The following GRIK5 variants were observed in gnomAD, a reference collection of about 807,000 sequenced individuals.
GRIK5 encodes the protein glutamate receptor ionotropic, kainate 5.
Under a neutral mutation model 97.4 loss-of-function variants are expected in GRIK5, and 43 were observed. That is an observed-to-expected ratio of 0.44 (90% CI 0.35 to 0.57). GRIK5 has a LOEUF of 0.57. Ranked by LOEUF, GRIK5 falls within the 20% of genes least tolerant of loss-of-function variation. The pLI is 0.01. For synonymous variants in GRIK5, 580 were observed against 583.5 expected (o/e 0.99, Z 0.09); for missense variants, 1,015 against 1,382.0 (o/e 0.73, Z 4.21).
At chr19:42,063,575 C>G (rs1193407983) in intron 3 of GRIK5, 3 of 315,304 alleles carry the variant, frequency 9.5e-6, no homozygotes, top group African/African-American at 6.6e-5. Context: ...AGCACCTTCC[C>G]CAGGTCTTTT....
At chr19:42,029,739 C>T (rs937719565) in intron 12 of GRIK5, among the ~76,000 whole-genome samples, 1 of 152,180 alleles carries the variant, frequency 6.6e-6, no homozygotes, top group African/African-American at 2.4e-5. Flanking sequence ...TCGCATGCAG[C>T]CTGGACTGGC....
At position 42,021,456 on chromosome 19, in the gene GRIK5, C is replaced by A; in HGVS notation, c.1716G>T (p.Trp572Cys). 6.3e-7 allele frequency: 1 copy of A among 1,587,896 alleles called. No individual in the cohort carries two copies. Among genetic ancestry groups the A allele is most frequent in the Non-Finnish European group, 8.6e-7 (1 of 1,164,068 alleles). The part of the protein sequence containing the change: ...FLAARLSPYE[W>C]YNPHPCLRAR... ...CCCGCAGGCATGGGTGTGGGTTATA[C>A]CACTCATAGGGGCTCAGCCTGTGGA... The change falls in exon 15 of 20, where the codon TGG becomes TGT. Residue 572 changes from tryptophan (W) to cysteine (C), a missense_variant. By Grantham distance (215) the Trp-to-Cys change is radical (BLOSUM62 -2). This residue lies in a region of GRIK5 where 477 missense variants were observed against 701.1 expected (regional missense o/e 0.68). Transcript: ENST00000593562. This position sits in a 1 kb window ranked among gnomAD's most constrained non-coding sequence, Gnocchi z 4.2.
At position 42,036,850 on chromosome 19, in the gene GRIK5, G is replaced by A. The variant is rs189583260; in HGVS notation, c.1473+5702C>T. Among the ~76,000 whole-genome samples, 218 of 152,298 alleles carry A rather than the reference G, an allele frequency of 1.4e-3. 1 individual carries two copies. Among genetic ancestry groups the A allele is most frequent in the Non-Finnish European group, 2.3e-3 (154 of 68,014 alleles). ...TGGAGGCCACAGGTGAGGTGGGTGG[G>A]TATTGTCTTGGTCATGCCAGCATCT... On this transcript the variant is annotated intron_variant, in intron 12 of 19. Transcript: ENST00000593562.
At position 42,021,602 on chromosome 19, in the gene GRIK5, G is replaced by A; in HGVS notation, c.1698-128C>T. ...GATGGAAAAAGGAGCAAGATGGACA[G>A]AAGCACACAGAGAAAAGGCAGAGAG... On this transcript the variant is annotated intron_variant, in intron 14 of 19. Transcript: ENST00000593562. This position sits in a 1 kb window ranked among gnomAD's most constrained non-coding sequence, Gnocchi z 4.2. The A allele has an allele frequency of 1.4e-6, 1 of 698,470 alleles. No homozygotes were observed. The highest frequency in any genetic ancestry group is 2.3e-6 in the Non-Finnish European group (1 of 427,218). 43.3% of individuals were successfully genotyped at this position (698,470 alleles called of 1,614,324 possible).
intron 5 of GRIK5, among the ~76,000 whole-genome samples, chr19:42,061,510 C>T (rs1182565554): frequency 1.3e-5 from 2 of 152,190 alleles, no homozygotes; most frequent in African/African-American, 4.8e-5. Flanking sequence ...GGAATTCCTT[C>T]TAGAGGCTAT....
Position 42,021,136 on chromosome 19 carries a change from G to A in GRIK5, c.1871+165C>T, listed in dbSNP as rs970440276. ...GGCCAAGCTCACATAGCCAGTAAGC[G>A]GCAGAGCTGGAGCTCAGCTCTCCCC... On this transcript the variant is annotated intron_variant, in intron 15 of 19. Coordinates refer to ENST00000593562, the MANE Select transcript of GRIK5 (RefSeq NM_002088.5). This position sits in a 1 kb window ranked among gnomAD's most constrained non-coding sequence, Gnocchi z 4.2. 6.6e-6 allele frequency among the ~76,000 whole-genome samples: 1 copy of A among 152,168 alleles called. No homozygotes were observed. The highest frequency in any genetic ancestry group is 6.5e-5 in the Admixed American group (1 of 15,278).
At chr19:42,027,220 G>A (rs1568899799) in intron 12 of GRIK5, among the ~76,000 whole-genome samples, 1 of 152,218 alleles carries the variant, frequency 6.6e-6, no homozygotes, top group Non-Finnish European at 1.5e-5. Flanking sequence ...GTGCTGTGAT[G>A]AAAAATCAAG....
chr19:42,010,066 CAAAAA>C (rs60561027), intron 15 of GRIK5, among the ~76,000 whole-genome samples: 1 of 104,108 alleles, frequency 9.6e-6, no homozygotes. Flanking sequence ...AACTCCATCT[CAAAAA>C]AAAAAAAAAA....
Position 42,003,889 on chromosome 19 carries a change from C to T in GRIK5, c.2264-206G>A. 1.8e-6 allele frequency: 1 copy of T among 542,338 alleles called. No homozygotes were observed. The highest frequency in any genetic ancestry group is 2.9e-5 in the South Asian group (1 of 34,502). The allele number at this position is 542,338 out of a possible 1,614,324, so 33.6% of individuals were successfully genotyped here. ...TGTTAGGAAGAGTCAGAGGCCATAC[C>T]TTTCCTGTGCTCAGGACTCTCCATG... On this transcript the variant is annotated intron_variant, in intron 17 of 19. Transcript: ENST00000593562. This position sits in a 1 kb window ranked among gnomAD's most constrained non-coding sequence, Gnocchi z 4.2.
chr19:42,057,464 C>G (rs2146157508), intron 6 of GRIK5, among the ~76,000 whole-genome samples: 2 of 152,048 alleles, frequency 1.3e-5, no homozygotes, highest in Middle Eastern at 6.8e-3. Context: ...CTTGACCTCT[C>G]AGGCTCAAGT....
chr19:42,005,217 G>A (rs550296374), intron 17 of GRIK5, among the ~76,000 whole-genome samples: 8 of 112,200 alleles, frequency 7.1e-5, no homozygotes, highest in African/African-American at 1.8e-4. Flanking sequence ...CAAGGCGGGC[G>A]ACAGAGCAAG....
intron 12 of GRIK5, among the ~76,000 whole-genome samples, chr19:42,038,847 C>G (rs4803523): frequency 6.6e-6 from 1 of 152,134 alleles, no homozygotes; most frequent in Non-Finnish European, 1.5e-5. Context: ...CTGTGCAGCT[C>G]GGCACACTCG....
Position 42,042,796 on chromosome 19 carries a change from C to CT in GRIK5, c.1270-42dup, listed in dbSNP as rs771432665. 8 of 1,540,096 alleles carry CT rather than the reference C, an allele frequency of 5.2e-6. No individual in the cohort carries two copies. The African/African-American group carries it at 1.1e-4, about 21-fold the overall frequency. On this transcript the variant is annotated intron_variant, in intron 11 of 19. Coordinates refer to ENST00000593562, the MANE Select transcript of GRIK5 (RefSeq NM_002088.5). This position sits in a 1 kb window ranked among gnomAD's most constrained non-coding sequence, Gnocchi z 6.9. ...AAAGCAGGGGTCAGAGGCTGGGTGT[C>CT]TAGTGGCTGGGTTGCGGATCCTGGA...
intron 8 of GRIK5, among the ~76,000 whole-genome samples, chr19:42,055,378 T>G (rs2076169621): frequency 6.6e-6 from 1 of 152,234 alleles, no homozygotes; most frequent in African/African-American, 2.4e-5. Context: ...TAGAAGTGTC[T>G]TGGTGTCTTG....
intron 15 of GRIK5, among the ~76,000 whole-genome samples, chr19:42,020,576 T>C (rs577328307): frequency 5.3e-5 from 8 of 152,210 alleles, no homozygotes; most frequent in East Asian, 3.9e-4. Flanking sequence ...CAGGATGAGA[T>C]AGGAGGTTGG....
chr19:42,011,504 G>C (rs939778347), intron 15 of GRIK5, among the ~76,000 whole-genome samples: 2 of 148,516 alleles, frequency 1.3e-5, no homozygotes, highest in African/African-American at 2.5e-5. Context: ...AGTGAGCCGA[G>C]ATCGCGCCAC....
chr19:42,038,516 T>C (rs577852421), intron 12 of GRIK5, among the ~76,000 whole-genome samples: 1 of 152,262 alleles, frequency 6.6e-6, no homozygotes, highest in Non-Finnish European at 1.5e-5. Context: ...CCTCTCTCAC[T>C]GGGTGGCCAT....
intron 9 of GRIK5, 71 bp from the exon 10 acceptor site, chr19:42,054,000 G>C: frequency 9.9e-7 from 1 of 1,006,558 alleles, no homozygotes; most frequent in African/African-American, 1.6e-5. Context: ...GGCCCAACGT[G>C]GTGAGACATC....
At position 41,998,728 on chromosome 19, in the gene GRIK5, G is replaced by A. The variant is rs1485591947; in HGVS notation, c.*143C>T. The A allele has an allele frequency of 7.0e-6, 2 of 284,432 alleles. No individual in the cohort carries two copies. The highest frequency in any genetic ancestry group is 4.5e-5 in the African/African-American group (2 of 43,988). 17.6% of individuals were successfully genotyped at this position (284,432 alleles called of 1,614,324 possible). On this transcript the variant is annotated 3_prime_UTR_variant, in exon 20 of 20. Transcript: ENST00000593562. ...CAGAGCCAGGCCTCGGACTTCGCGG[G>A]GAACCAAAGGCAAAATCGCGGCGTC...
Sources: gnomAD v4.1 joint callset for allele counts (sites outside exome capture counted in the v4.1 genomes callset) on GRCh38, gnomAD v4.1.1 for gene constraint, gnomAD v4.1.1 regional missense constraint, Gnocchi (gnomAD v3.1) non-coding constraint, MANE v1.5 for transcripts, NCBI Gene and HGNC (gene_info 2026-07-23, HGNC 2026-07-21) for gene names.